Variants in IL16 observed in about 807,000 individuals in gnomAD.
The protein encoded by IL16 is pro-interleukin-16.
Under a neutral mutation model 110.1 loss-of-function variants are expected in IL16, and 67 were observed. That is an observed-to-expected ratio of 0.61 (90% confidence interval 0.50 to 0.75). IL16 has a LOEUF of 0.75. Among genes scored for constraint, IL16 ranks in the 30% least tolerant of loss-of-function variants. The pLI is 0.00. For synonymous variants in IL16, 689 were observed against 662.9 expected, an observed-to-expected ratio of 1.04 and a Z score of -0.61; for missense variants, 1,545 against 1,655.0, an observed-to-expected ratio of 0.93 and a Z score of 1.15.
chr15:81,286,926 A>G lies in IL16; in HGVS notation c.1332+1096A>G, dbSNP rs531692585. Among the ~76,000 whole-genome samples the G allele has an allele frequency of 5.4e-4, 82 of 152,328 alleles. 2 individuals carry two copies. In the South Asian group the frequency reaches 0.014, roughly 27 times the overall value. ...ACATGATGGCAGACAAGAGAGAATA[A>G]GAGCCAAGTGAAAGGGGAAACCCCT... On this transcript the variant is annotated intron_variant, in intron 10 of 18. Transcript: ENST00000683961.
At position 81,185,363 on chromosome 15, in the gene IL16, CTTTTTT is replaced by C. The variant is rs537025840; in HGVS notation, c.40+2475_40+2480del. ...TCATTGCTTTTTTTCTTTTCTTTTC[CTTTTTT>C]TTTTTTTGACAGGATCTCATCTGTC... On this transcript the variant is annotated intron_variant, in intron 1 of 18. Transcript: ENST00000302987. Among the ~76,000 whole-genome samples the C allele has an allele frequency of 7.2e-3, 1,028 of 141,884 alleles. 15 individuals are homozygous for C. Among genetic ancestry groups the C allele is most frequent in the African/African-American group, 0.026 (981 of 38,060 alleles). 93.1% of individuals were successfully genotyped at this position (141,884 alleles called of 152,430 possible). A position where few individuals can be genotyped will look rare whatever the true frequency, so the allele number is the denominator to read the frequency against.
chr15:81,255,469 A>T (rs1015735735), intron 2 of IL16, among the ~76,000 whole-genome samples: 1 of 152,254 alleles, frequency 6.6e-6, no homozygotes, highest in Non-Finnish European at 1.5e-5. Flanking sequence ...ACCTTCTGTC[A>T]TCTGTGTCTG....
rs775235482 is a variant in IL16 at position 81,301,367 on chromosome 15, C to T, written c.3173C>T (p.Thr1058Ile). 7 of 1,612,302 alleles carry T rather than the reference C, an allele frequency of 4.3e-6. No individual in the cohort carries two copies. The Admixed American group carries it at 5.0e-5, about 12-fold the overall frequency. Residue 1058 changes from threonine to isoleucine, a missense_variant, in exon 15 of 19, where the codon ACA (threonine) becomes ATA (isoleucine). Coordinates refer to ENST00000683961, the MANE Select transcript of IL16 (RefSeq NM_172217.5). Reference protein sequence around the residue: ...SLNLSELREYTEGLTEAKEDD... With the variant: ...SLNLSELREYIEGLTEAKEDD... ...AGCCTTTCAGAGCTGAGAGAATATA[C>T]AGAGGGTCTCACGGAAGCCAAGGAA...
intron 1 of IL16, among the ~76,000 whole-genome samples, chr15:81,183,866 G>T (rs2141903789): frequency 6.6e-6 from 1 of 152,326 alleles, no homozygotes; most frequent in Non-Finnish European, 1.5e-5. Flanking sequence ...TTGCAAAACG[G>T]TGGTCATAAA....
At chr15:81,228,776 A>G (rs1375897235) in intron 2 of IL16, among the ~76,000 whole-genome samples, 2 of 152,186 alleles carry the variant, frequency 1.3e-5, no homozygotes, top group African/African-American at 2.4e-5. Flanking sequence ...CTGAAGGGCA[A>G]TATGGCACAG....
At chr15:81,207,913 G>A (rs1264834194) in intron 1 of IL16, among the ~76,000 whole-genome samples, 3 of 151,350 alleles carry the variant, frequency 2.0e-5, no homozygotes, top group African/African-American at 7.3e-5. Flanking sequence ...TTGATGGGTC[G>A]AATGATAGCT....
chr15:81,246,648 T>C (rs189711507), intron 2 of IL16, among the ~76,000 whole-genome samples: 4 of 152,126 alleles, frequency 2.6e-5, no homozygotes, highest in African/African-American at 9.6e-5. Context: ...CTCATCTCTT[T>C]TACTGATATC....
At chr15:81,283,019 C>A (rs1317036791) in intron 9 of IL16, among the ~76,000 whole-genome samples, 1 of 152,150 alleles carries the variant, frequency 6.6e-6, no homozygotes, top group African/African-American at 2.4e-5. Flanking sequence ...CACCCCAGCC[C>A]CTCTCCAGGC....
intron 11 of IL16, chr15:81,292,326 T>C (rs1899759103): frequency 1.6e-6 from 1 of 607,030 alleles, no homozygotes; most frequent in East Asian, 3.0e-5. Context: ...CATATCTCCA[T>C]ATACATCAGT....
intron 12 of IL16, chr15:81,295,229 T>C: frequency 3.5e-6 from 1 of 284,158 alleles, no homozygotes; most frequent in Non-Finnish European, 5.9e-6. Context: ...GAATCTGCTC[T>C]CTCCCTCTTT....
intron 2 of IL16, among the ~76,000 whole-genome samples, chr15:81,243,800 G>A (rs1426524658): frequency 1.3e-5 from 2 of 152,072 alleles, no homozygotes; most frequent in African/African-American, 4.8e-5. Context: ...TGCTTTTTGA[G>A]GAATTGGTAC....
At chr15:81,197,945 C>T (rs1895660528) in intron 1 of IL16, among the ~76,000 whole-genome samples, 1 of 152,092 alleles carries the variant, frequency 6.6e-6, no homozygotes, top group African/African-American at 2.4e-5. Flanking sequence ...CTGGAAGCAG[C>T]CTGGGAGCTG....
chr15:81,193,915 ATTACATTACTAGTTAAAATTG>A (rs1399625412), upstream of IL16, among the ~76,000 whole-genome samples: 7 of 152,202 alleles, frequency 4.6e-5, no homozygotes, highest in Non-Finnish European at 5.9e-5. Flanking sequence ...TACTAGTAAC[ATTACATTACTAGTTAAAATTG>A]TTACATTACT....
Position 81,246,169 on chromosome 15 carries a change from G to A in IL16, c.313-13603G>A, listed in dbSNP as rs144939399. Among the ~76,000 whole-genome samples the A allele has an allele frequency of 3.9e-5, 6 of 152,156 alleles. No individual in the cohort carries two copies. In the East Asian group the frequency reaches 1.2e-3, roughly 29 times the overall value. ...CTGTAAAAATTAAAGAAACAGAGTGGTTTTAACTCTTTCCGCAAAGAAGTT... is the reference window on the plus strand; with the variant it reads ...CTGTAAAAATTAAAGAAACAGAGTGATTTTAACTCTTTCCGCAAAGAAGTT... On this transcript the variant is annotated intron_variant, in intron 2 of 18. Coordinates refer to ENST00000683961, the MANE Select transcript of IL16 (RefSeq NM_172217.5).
chr15:81,279,568 A>T lies in IL16; in HGVS notation c.875A>T (p.Lys292Met). ...DALQKFKQAK[K>M]GLLTLTVRTR... ...CTCTCTTTCTTTCAGCAAGCCAAAAAGGGGCTCCTCACCCTCACCGTGAGA... is the reference window on the plus strand; with the variant it reads ...CTCTCTTTCTTTCAGCAAGCCAAAATGGGGCTCCTCACCCTCACCGTGAGA... Residue 292 changes from lysine to methionine, a missense_variant, in exon 8 of 19, where the codon AAG (lysine) becomes ATG (methionine). Lys to Met is a moderately conservative substitution (Grantham distance 95). Around this residue, in one of 3 missense-constraint regions of IL16, gnomAD observed 1,185 missense variants for 1,238.8 expected, o/e 0.96. Coordinates refer to ENST00000683961, the MANE Select transcript of IL16 (RefSeq NM_172217.5). 6.2e-7 allele frequency: 1 copy of T among 1,611,684 alleles called. No homozygotes were observed. The highest frequency in any genetic ancestry group is 8.5e-7 in the Non-Finnish European group (1 of 1,179,360).
In IL16 at chr15:81,279,729, G is replaced by T. The variant is rs765353678; in HGVS notation, c.1036G>T (p.Ala346Ser). The change falls in exon 8 of 19, where the codon GCC becomes TCC. Residue 346 changes from alanine to serine, a missense_variant. By Grantham distance (99) the Ala-to-Ser change is moderately conservative. This residue lies in a region of IL16 where 1,185 missense variants were observed against 1,238.8 expected (regional missense o/e 0.96). Coordinates refer to ENST00000683961, the MANE Select transcript of IL16 (RefSeq NM_172217.5). ...AAGCCCCTCGGCTCCCATCAGCACC[G>T]CCAAGCCCAATTACAGAATCATGGT... The part of the protein sequence containing the change: ...LESPSAPIST[A>S]KPNYRIMVEV... The T allele has an allele frequency of 1.2e-6, 2 of 1,614,090 alleles. No individual in the cohort carries two copies. Among genetic ancestry groups the T allele is most frequent in the South Asian group, 2.2e-5 (2 of 91,078 alleles).
rs781604818 is a variant in IL16, at chr15:81,225,650, C to G, written c.251C>G (p.Ala84Gly). The G allele has an allele frequency of 4.3e-6, 7 of 1,613,936 alleles. No homozygotes were observed. Among genetic ancestry groups the G allele is most frequent in the Non-Finnish European group, 5.9e-6 (7 of 1,179,978 alleles). ...GATCTAGCACTGGCCTCGGAGGCTGCTCAACTCCAAGCAGCTGGGAATGAT... is the reference window on the plus strand; with the variant it reads ...GATCTAGCACTGGCCTCGGAGGCTGGTCAACTCCAAGCAGCTGGGAATGAT... ...VPDLALASEAAQLQAAGNDRG... is the reference protein window; with the variant it reads ...VPDLALASEAGQLQAAGNDRG... The change falls in exon 2 of 19, where the codon GCT (alanine) becomes GGT (glycine). Residue 84 changes from alanine to glycine, a missense_variant. Coordinates refer to ENST00000683961, the MANE Select transcript of IL16 (RefSeq NM_172217.5).
At chr15:81,233,273 A>C (rs572010590) in intron 2 of IL16, among the ~76,000 whole-genome samples, 2 of 152,126 alleles carry the variant, frequency 1.3e-5, no homozygotes, top group African/African-American at 2.4e-5. Flanking sequence ...AACATTTTGC[A>C]TAACTCTAGT....
intron 5 of IL16, among the ~76,000 whole-genome samples, chr15:81,270,221 A>G (rs1898570873): frequency 6.6e-6 from 1 of 152,210 alleles, no homozygotes; most frequent in Non-Finnish European, 1.5e-5. Flanking sequence ...CAAAGGGGAT[A>G]CAAAAGTATT....
Sources: allele counts gnomAD v4.1 joint callset (sites outside exome capture counted in the v4.1 genomes callset), GRCh38; gene constraint gnomAD v4.1.1; regional missense constraint gnomAD v4.1.1; transcripts MANE v1.5; gene names NCBI Gene and HGNC (gene_info 2026-07-23, HGNC 2026-07-21).